ANKRD44: variants seen among roughly 807,000 people sequenced by gnomAD.
The protein encoded by ANKRD44 is ankyrin repeat domain 44.
A neutral mutation model predicts 116.0 loss-of-function variants in ANKRD44; 35 were observed. That is an observed-to-expected ratio of 0.30 (90% confidence interval 0.23 to 0.40). The LOEUF is 0.40. ANKRD44 is among the 10% of genes least tolerant of loss of function. The pLI is 1.00. For synonymous variants in ANKRD44, 435 were observed against 461.8 expected, an observed-to-expected ratio of 0.94 and a Z score of 0.74; for missense variants, 1,014 against 1,242.6, an observed-to-expected ratio of 0.82 and a Z score of 2.77.
chr2:197,166,072 C>T (rs1445611288), intron 2 of ANKRD44, among the ~76,000 whole-genome samples: 1 of 152,104 alleles, frequency 6.6e-6, no homozygotes, highest in Non-Finnish European at 1.5e-5. Flanking sequence ...CTAAATCTGC[C>T]TGCAGATTTT....
chr2:197,183,041 A>G (rs2080552325), intron 2 of ANKRD44, among the ~76,000 whole-genome samples: 1 of 152,200 alleles, frequency 6.6e-6, no homozygotes, highest in African/African-American at 2.4e-5. Context: ...TGGAGAAGTG[A>G]GAAAAGGGTG....
intron 1 of ANKRD44, among the ~76,000 whole-genome samples, chr2:197,208,317 T>G (rs959933100): frequency 5.9e-5 from 9 of 152,160 alleles, no homozygotes; most frequent in African/African-American, 2.2e-4. Flanking sequence ...CTCAGAAGGC[T>G]TATATGATGA....
intron 21 of ANKRD44, among the ~76,000 whole-genome samples, chr2:196,971,123 T>G (rs1249491000): frequency 6.6e-6 from 1 of 152,232 alleles, no homozygotes. Context: ...CACTTAACAT[T>G]ATGTCATGCA....
At chr2:197,046,100 T>C (rs751506267) in intron 16 of ANKRD44, among the ~76,000 whole-genome samples, 4 of 152,238 alleles carry the variant, frequency 2.6e-5, no homozygotes, top group African/African-American at 4.8e-5. Flanking sequence ...TCTTTTGCAA[T>C]GTCATTTTAT....
chr2:197,055,907 T>C (rs2077193778), intron 16 of ANKRD44, among the ~76,000 whole-genome samples: 1 of 152,210 alleles, frequency 6.6e-6, no homozygotes, highest in Non-Finnish European at 1.5e-5. Flanking sequence ...TTTTTTGTTG[T>C]TGGGACAGGG....
chr2:197,264,603 A>G (rs1319165019), intron 1 of ANKRD44, among the ~76,000 whole-genome samples: 2 of 152,148 alleles, frequency 1.3e-5, no homozygotes, highest in African/African-American at 4.8e-5. Context: ...CCTTTCCCTC[A>G]GGGCATCCTC....
intron 1 of ANKRD44, among the ~76,000 whole-genome samples, chr2:197,209,502 A>T (rs777668574): frequency 3.9e-5 from 6 of 152,180 alleles, no homozygotes; most frequent in Non-Finnish European, 8.8e-5. Context: ...CTAATCAAGC[A>T]TGATACTCTT....
intron 16 of ANKRD44, among the ~76,000 whole-genome samples, chr2:197,026,408 C>A (rs1436062337): frequency 6.6e-6 from 1 of 152,202 alleles, no homozygotes; most frequent in Non-Finnish European, 1.5e-5. Context: ...CCTCACTGAG[C>A]AGGTGATGGC....
At chr2:197,294,865 A>G (rs1322142111) in intron 1 of ANKRD44, among the ~76,000 whole-genome samples, 2 of 152,158 alleles carry the variant, frequency 1.3e-5, no homozygotes, top group African/African-American at 2.4e-5. Flanking sequence ...TTGCTCTCAT[A>G]TATAAGAAGT....
chr2:197,062,944 CCTGT>C (rs1175125381), intron 16 of ANKRD44, among the ~76,000 whole-genome samples: 2 of 152,284 alleles, frequency 1.3e-5, no homozygotes, highest in African/African-American at 4.8e-5. Flanking sequence ...CTTAAATGTC[CCTGT>C]CTGACAGCTT....
rs373138815 is a variant in ANKRD44 at position 197,014,029 on chromosome 2, C to T, written c.1723-317G>A. The stretch of plus-strand genomic sequence containing the variant: ...GATCTAATCATCTAATATAAACTAA[C>T]AGCTGAATGAATTACCATATTCTTT... On this transcript the variant is annotated intron_variant, in intron 17 of 27. Coordinates refer to ENST00000282272, the MANE Select transcript of ANKRD44 (RefSeq NM_001195144.2). Among the ~76,000 whole-genome samples, 154 of 152,330 alleles carry T rather than the reference C, an allele frequency of 1.0e-3. 3 individuals carry two copies. Among genetic ancestry groups the T allele is most frequent in the African/African-American group, 3.4e-3 (141 of 41,568 alleles).
At chr2:196,999,819 TCCTGG>T (rs1275087373) in intron 23 of ANKRD44, among the ~76,000 whole-genome samples, 8 of 152,038 alleles carry the variant, frequency 5.3e-5, no homozygotes, top group African/African-American at 1.9e-4. Context: ...GGTCTCTATC[TCCTGG>T]CCTCATGATC....
chr2:197,195,509 G>A (rs866179831), intron 1 of ANKRD44, among the ~76,000 whole-genome samples: 5 of 152,010 alleles, frequency 3.3e-5, no homozygotes, highest in Admixed American at 6.6e-5. Context: ...ACAGGGATAC[G>A]GTGAAAACAA....
At chr2:197,090,124 TAAC>T (rs1369899779) in intron 10 of ANKRD44, 92 bp from the exon 11 acceptor site, 2 of 961,382 alleles carry the variant, frequency 2.1e-6, no homozygotes, top group East Asian at 5.0e-5. Context: ...TGATGAAAAT[TAAC>T]AACACCTTGT....
intron 2 of ANKRD44, 63 bp downstream of exon 2, chr2:197,186,960 T>G: frequency 7.1e-7 from 1 of 1,404,654 alleles, no homozygotes; most frequent in Non-Finnish European, 1.0e-6. Flanking sequence ...ATATAAAAGG[T>G]TAAGAGTCCT....
chr2:197,108,400 A>G (rs774623918), intron 9 of ANKRD44, among the ~76,000 whole-genome samples: 39 of 152,208 alleles, frequency 2.6e-4, no homozygotes, highest in Non-Finnish European at 5.0e-4. Context: ...TAGCCACTAT[A>G]TCCTTATCAA....
chr2:196,982,108 T>TATATATATATATATATATATA (rs2075805174), downstream of ANKRD44, among the ~76,000 whole-genome samples: 3 of 96,544 alleles, frequency 3.1e-5, no homozygotes, highest in African/African-American at 7.4e-5. Context: ...CTAAAAAAAA[T>TATATATATATATATATATATA]TATATATATA....
chr2:197,254,442 C>G lies in ANKRD44; in HGVS notation c.27+56136G>C, dbSNP rs80108506. Among the ~76,000 whole-genome samples, 11 of 152,206 alleles carry G rather than the reference C, an allele frequency of 7.2e-5. No individual in the cohort carries two copies. In the East Asian group the frequency reaches 2.1e-3, roughly 29 times the overall value. On this transcript the variant is annotated intron_variant, in intron 1 of 27. Transcript: ENST00000282272. ...CCAGCCTGTAATTGGCCAGAAATGT[C>G]AGTACTTTCTGAACTATCCTACCAA...
At chr2:197,142,222 C>G (rs2079384788) in intron 3 of ANKRD44, among the ~76,000 whole-genome samples, 1 of 152,006 alleles carries the variant, frequency 6.6e-6, no homozygotes, top group Non-Finnish European at 1.5e-5. Flanking sequence ...TTTCCAGAGG[C>G]AATATTTCTG....
Sources: allele counts gnomAD v4.1 joint callset (sites outside exome capture counted in the v4.1 genomes callset), GRCh38; gene constraint gnomAD v4.1.1; transcripts MANE v1.5; gene names NCBI Gene and HGNC (gene_info 2026-07-23, HGNC 2026-07-21).